NEK11: variants seen among roughly 807,000 people sequenced by gnomAD.
The protein encoded by NEK11 is NIMA related kinase 11.
Under a neutral mutation model 80.7 loss-of-function variants are expected in NEK11, and 72 were observed. That is an observed-to-expected ratio of 0.89 (90% confidence interval 0.74 to 1.08). NEK11 has a LOEUF of 1.08. Ranked by LOEUF, NEK11 falls within the 50% of genes least tolerant of loss-of-function variation. NEK11 has a pLI of 0.00. For missense variants in NEK11, 764 were observed against 763.6 expected, an observed-to-expected ratio of 1.00 and a Z score of -0.01; for synonymous variants, 251 against 260.7, an observed-to-expected ratio of 0.96 and a Z score of 0.36.
At chr3:131,148,880 A>G (rs4246682) in intron 7 of NEK11, among the ~76,000 whole-genome samples, 125,371 of 151,636 alleles carry the variant, frequency 0.83, 51,945 homozygotes, top group East Asian at 0.93. Context: ...ATAGTCGTAC[A>G]TATTTATGGG....
chr3:131,115,025 T>C (rs983294477), intron 5 of NEK11, among the ~76,000 whole-genome samples: 27 of 152,312 alleles, frequency 1.8e-4, no homozygotes, highest in African/African-American at 6.5e-4. Context: ...AATTACACAT[T>C]GTTTACAGGT....
At chr3:131,037,388 A>G (rs1391154344) in intron 3 of NEK11, among the ~76,000 whole-genome samples, 1 of 151,862 alleles carries the variant, frequency 6.6e-6, no homozygotes. Context: ...GTTTCAAGCA[A>G]TTCTCCTACC....
intron 15 of NEK11, among the ~76,000 whole-genome samples, chr3:131,236,729 C>A (rs1039958007): frequency 2.0e-5 from 3 of 152,188 alleles, no homozygotes; most frequent in African/African-American, 7.2e-5. Context: ...CAGAAGGCCA[C>A]CATCAGTAGT....
intron 16 of NEK11, among the ~76,000 whole-genome samples, chr3:131,263,449 A>G (rs2095974464): frequency 6.6e-6 from 1 of 152,188 alleles, no homozygotes; most frequent in Non-Finnish European, 1.5e-5. Context: ...TACAAGTACC[A>G]TGCTGTTTTG....
rs142115103 is a variant in NEK11, at chr3:131,234,476, C to T, written c.1560+5788C>T. ...GTCGATCATTTTTCCATTAGCATTC[C>T]GCTGGCCTGTGTCCCAGGCTGTAAA... On this transcript the variant is annotated intron_variant, in intron 15 of 17. Coordinates refer to ENST00000383366, the MANE Select transcript of NEK11 (RefSeq NM_024800.5). 7.5e-3 allele frequency among the ~76,000 whole-genome samples: 1,142 copies of T among 152,292 alleles called. 21 individuals carry two copies. Among genetic ancestry groups the T allele is most frequent in the African/African-American group, 0.026 (1,067 of 41,556 alleles).
At chr3:131,113,252 T>C (rs7645662) in intron 5 of NEK11, among the ~76,000 whole-genome samples, 65,002 of 151,798 alleles carry the variant, frequency 0.43, 16,446 homozygotes, top group Middle Eastern at 0.66. Context: ...ATTATGAATA[T>C]GCTGGGTAGA....
intron 4 of NEK11, among the ~76,000 whole-genome samples, chr3:131,087,261 G>C (rs964022465): frequency 2.1e-5 from 2 of 95,156 alleles, no homozygotes; most frequent in Non-Finnish European, 4.1e-5. Flanking sequence ...TTTTTTTTGA[G>C]ACAGAGTCTC....
chr3:131,187,062 T>C (rs962120247), intron 14 of NEK11, among the ~76,000 whole-genome samples: 1 of 152,204 alleles, frequency 6.6e-6, no homozygotes, highest in Non-Finnish European at 1.5e-5. Context: ...AGGAAAAGTC[T>C]GTGCTTGTTT....
At chr3:131,329,037 C>T (rs2097025908) in intron 17 of NEK11, 1 of 152,182 alleles carries the variant, frequency 6.6e-6, no homozygotes, top group South Asian at 2.1e-4. Flanking sequence ...AGAAGACAGG[C>T]AGAAACACTG....
intron 16 of NEK11, among the ~76,000 whole-genome samples, chr3:131,265,492 G>T (rs1363764471): frequency 6.6e-6 from 1 of 152,116 alleles, no homozygotes; most frequent in Admixed American, 6.6e-5. Context: ...TTTGTCATTT[G>T]TTCTGTTTAA....
intron 17 of NEK11, among the ~76,000 whole-genome samples, chr3:131,336,563 G>C (rs1480753629): frequency 6.6e-6 from 1 of 152,102 alleles, no homozygotes; most frequent in Non-Finnish European, 1.5e-5. Flanking sequence ...CGTGGGCAAG[G>C]ACTTCATGTC....
intron 5 of NEK11, among the ~76,000 whole-genome samples, chr3:131,114,025 G>C (rs1484421532): frequency 6.6e-6 from 1 of 151,830 alleles, no homozygotes; most frequent in Non-Finnish European, 1.5e-5. Context: ...GAGTGAGGAG[G>C]GGGAGGAAGT....
intron 4 of NEK11, among the ~76,000 whole-genome samples, chr3:131,083,290 G>A (rs1223488363): frequency 6.6e-6 from 1 of 152,236 alleles, no homozygotes; most frequent in Non-Finnish European, 1.5e-5. Context: ...AATCATCTGT[G>A]TTGATTTTTA....
intron 12 of NEK11, 126 bp downstream of exon 12, chr3:131,165,645 A>G (rs1225168221): frequency 1.6e-6 from 1 of 632,586 alleles, no homozygotes; most frequent in Admixed American, 2.8e-5. Context: ...ACCCAATTCC[A>G]GGAAGGATTC....
intron 14 of NEK11, among the ~76,000 whole-genome samples, chr3:131,196,846 CT>C (rs112705042): frequency 0.094 from 12,994 of 137,896 alleles, 960 homozygotes; most frequent in East Asian, 0.43. Flanking sequence ...CTTTTCTTTT[CT>C]TTTTTTTTTT....
At chr3:131,084,821 T>C (rs2075762100) in intron 4 of NEK11, among the ~76,000 whole-genome samples, 1 of 152,216 alleles carries the variant, frequency 6.6e-6, no homozygotes, top group South Asian at 2.1e-4. Context: ...TCTGATTTAA[T>C]TGATCCTCGG....
chr3:131,066,473 A>G (rs1451415097), intron 3 of NEK11, among the ~76,000 whole-genome samples: 2 of 151,924 alleles, frequency 1.3e-5, no homozygotes. Context: ...AGCTCATTGG[A>G]CTTTGACTTC....
chr3:131,317,790 A>AGGG (rs2096856375), intron 17 of NEK11, among the ~76,000 whole-genome samples: 1 of 4,258 alleles, frequency 2.3e-4, no homozygotes, highest in African/African-American at 8.0e-4. Flanking sequence ...GAGGAGGAGG[A>AGGG]GGAGAGAAGG....
chr3:131,060,453 G>T (rs1326422119), intron 3 of NEK11, among the ~76,000 whole-genome samples: 1 of 152,190 alleles, frequency 6.6e-6, no homozygotes, highest in Non-Finnish European at 1.5e-5. Context: ...TGGATTGAAG[G>T]ATGATGGATT....
Sources: gnomAD v4.1 joint callset for allele counts (sites outside exome capture counted in the v4.1 genomes callset) on GRCh38, gnomAD v4.1.1 for gene constraint, MANE v1.5 for transcripts, NCBI Gene and HGNC (gene_info 2026-07-23, HGNC 2026-07-21) for gene names.